Variants in ZZZ3 observed in about 807,000 individuals in gnomAD.
ZZZ3 encodes the protein ZZ-type zinc finger-containing protein 3.
In ZZZ3, 22 loss-of-function variants were observed where a neutral mutation model predicts 95.2. That is an observed-to-expected ratio of 0.23 (90% CI 0.17 to 0.33). ZZZ3 has a LOEUF of 0.33. Ranked by LOEUF, ZZZ3 falls within the 10% of genes least tolerant of loss-of-function variation. The pLI is 1.00. For missense variants in ZZZ3, 885 were observed against 1,066.5 expected, an observed-to-expected ratio of 0.83 and a Z score of 2.37; for synonymous variants, 335 against 358.9, an observed-to-expected ratio of 0.93 and a Z score of 0.75.
intron 5 of ZZZ3, among the ~76,000 whole-genome samples, chr1:77,616,114 CT>C (rs1666288370): frequency 6.6e-6 from 1 of 152,090 alleles, no homozygotes; most frequent in African/African-American, 2.4e-5. Flanking sequence ...CTTCTTACCC[CT>C]GCTCTTGAGG....
intron 12 of ZZZ3, among the ~76,000 whole-genome samples, chr1:77,568,933 C>G (rs1039279971): frequency 2.6e-5 from 4 of 152,156 alleles, no homozygotes; most frequent in Non-Finnish European, 5.9e-5. Context: ...GCTCTGTACT[C>G]CCAATGATCA....
intron 1 of ZZZ3, among the ~76,000 whole-genome samples, chr1:77,674,896 G>A (rs1242474893): frequency 6.9e-6 from 1 of 145,340 alleles, no homozygotes; most frequent in African/African-American, 2.6e-5. Flanking sequence ...AGGTTGCAGT[G>A]AGCCGAGATC....
intron 5 of ZZZ3, among the ~76,000 whole-genome samples, chr1:77,595,898 G>A (rs992040368): frequency 6.6e-6 from 1 of 151,974 alleles, no homozygotes; most frequent in African/African-American, 2.4e-5. Context: ...GCAAAAGAGG[G>A]TATACTGAAA....
intron 1 of ZZZ3, among the ~76,000 whole-genome samples, chr1:77,656,235 T>C (rs563215285): frequency 6.6e-6 from 1 of 152,376 alleles, no homozygotes; most frequent in East Asian, 1.9e-4. Context: ...TTGCTTTAAA[T>C]ATTTTTTAAA....
intron 1 of ZZZ3, among the ~76,000 whole-genome samples, chr1:77,670,688 T>C (rs1671696766): frequency 6.6e-6 from 1 of 151,538 alleles, no homozygotes; most frequent in African/African-American, 2.4e-5. Flanking sequence ...TGAACAGACT[T>C]ATATGAAAGT....
intron 13 of ZZZ3, 76 bp from the exon 14 acceptor site, chr1:77,566,257 ATG>A: frequency 1.0e-6 from 1 of 989,288 alleles, no homozygotes; most frequent in South Asian, 1.5e-5. Context: ...AAGGAAACAC[ATG>A]ATGTGCACAC....
chr1:77,663,005 T>C (rs1670945617), intron 1 of ZZZ3, among the ~76,000 whole-genome samples: 1 of 151,860 alleles, frequency 6.6e-6, no homozygotes, highest in Non-Finnish European at 1.5e-5. Flanking sequence ...TTCGGGAGGC[T>C]GACGTGAAAA....
At chr1:77,656,312 A>C (rs1670262045) in intron 1 of ZZZ3, among the ~76,000 whole-genome samples, 1 of 152,226 alleles carries the variant, frequency 6.6e-6, no homozygotes, top group African/African-American at 2.4e-5. Context: ...ACTTATCCTT[A>C]AGGATGTTAT....
intron 5 of ZZZ3, among the ~76,000 whole-genome samples, chr1:77,610,811 C>G (rs1002239139): frequency 6.6e-6 from 1 of 150,762 alleles, no homozygotes; most frequent in African/African-American, 2.4e-5. Flanking sequence ...AAGGAATGTA[C>G]CTCAACACCC....
chr1:77,649,751 G>A (rs142612171), intron 1 of ZZZ3, among the ~76,000 whole-genome samples: 1,804 of 151,828 alleles, frequency 0.012, 32 homozygotes, highest in African/African-American at 0.042. Flanking sequence ...GTATGGTGGC[G>A]CATGTCTGTA....
At chr1:77,592,092 T>A (rs1445171353) in intron 5 of ZZZ3, among the ~76,000 whole-genome samples, 1 of 151,992 alleles carries the variant, frequency 6.6e-6, no homozygotes. Context: ...GAGGAAAGAA[T>A]ACATATTTAC....
chr1:77,677,995 T>C (rs1023175198), intron 1 of ZZZ3, among the ~76,000 whole-genome samples: 15 of 152,066 alleles, frequency 9.9e-5, no homozygotes, highest in African/African-American at 2.9e-4. Flanking sequence ...AATGGAAGCA[T>C]AAGGTTTAAA....
At position 77,566,090 on chromosome 1, in the gene ZZZ3, C is replaced by A; in HGVS notation, c.2558G>T (p.Cys853Phe). Residue 853 changes from cysteine (C) to phenylalanine (F), a missense_variant, in exon 14 of 15, where the codon TGT becomes TTT. Around this residue, in one of 5 missense-constraint regions of ZZZ3, gnomAD observed 221 missense variants for 247.8 expected, o/e 0.89. Coordinates refer to ENST00000370801, the MANE Select transcript of ZZZ3 (RefSeq NM_015534.6). ...PEMSLDFCDS[C>F]SDCLHETDIH... ...TGAAGAAAACACTTACCAGTCTGAACAAGAATCACAGAAATCCAAAGACAT... is the reference window on the plus strand; with the variant it reads ...TGAAGAAAACACTTACCAGTCTGAAAAAGAATCACAGAAATCCAAAGACAT... 1 of 1,612,276 alleles carries A rather than the reference C, an allele frequency of 6.2e-7. No homozygotes were observed. The highest frequency in any genetic ancestry group is 1.1e-5 in the South Asian group (1 of 90,782).
At chr1:77,662,971 A>C (rs1670940614) in intron 1 of ZZZ3, among the ~76,000 whole-genome samples, 1 of 152,092 alleles carries the variant, frequency 6.6e-6, no homozygotes, top group Non-Finnish European at 1.5e-5. Context: ...CAGGCATGGT[A>C]GCACGCACCT....
At chr1:77,660,302 T>G (rs1325896221) in intron 1 of ZZZ3, among the ~76,000 whole-genome samples, 3 of 152,238 alleles carry the variant, frequency 2.0e-5, no homozygotes, top group Non-Finnish European at 4.4e-5. Context: ...ACATTCATAA[T>G]GCAATCATCA....
intron 1 of ZZZ3, among the ~76,000 whole-genome samples, chr1:77,649,828 G>A (rs1669639073): frequency 6.6e-6 from 1 of 151,526 alleles, no homozygotes; most frequent in Admixed American, 6.6e-5. Context: ...AGCCGAGATT[G>A]CGCCATGGCA....
intron 9 of ZZZ3, chr1:77,580,400 TTC>T (rs1173672506): frequency 1.3e-5 from 2 of 152,134 alleles, no homozygotes; most frequent in Non-Finnish European, 2.9e-5. Context: ...CCTCAGGTTT[TTC>T]TCTCTCCCAA....
chr1:77,618,429 C>G (rs1258945481), intron 5 of ZZZ3, among the ~76,000 whole-genome samples: 3 of 151,696 alleles, frequency 2.0e-5, no homozygotes, highest in African/African-American at 7.3e-5. Flanking sequence ...AGTAGGAAGC[C>G]AATGCCATCT....
chr1:77,594,921 CAAAAAAA>C (rs371690201), intron 5 of ZZZ3, among the ~76,000 whole-genome samples: 133 of 80,712 alleles, frequency 1.6e-3, no homozygotes, highest in African/African-American at 5.9e-3. Flanking sequence ...TTGACAGGCC[CAAAAAAA>C]AAAAAAAAAA....
Sources: gnomAD v4.1 joint callset for allele counts (sites outside exome capture counted in the v4.1 genomes callset) on GRCh38, gnomAD v4.1.1 for gene constraint, gnomAD v4.1.1 regional missense constraint, MANE v1.5 for transcripts, NCBI Gene and HGNC (gene_info 2026-07-23, HGNC 2026-07-21) for gene names.